The following UBASH3B variants were observed in gnomAD, a reference collection of about 807,000 sequenced individuals.
UBASH3B encodes ubiquitin-associated and SH3 domain-containing protein B.
Under a neutral mutation model 83.4 loss-of-function variants are expected in UBASH3B, and 37 were observed. The observed-to-expected ratio is 0.44, with a 90% CI of 0.34 to 0.58. The LOEUF is 0.58. Ranked by LOEUF, UBASH3B falls within the 20% of genes least tolerant of loss-of-function variation. UBASH3B has a pLI of 0.01. For synonymous variants in UBASH3B, 304 were observed against 318.3 expected (o/e 0.96, Z 0.48); for missense variants, 657 against 827.2 (o/e 0.79, Z 2.52).
chr11:122,698,386 G>A (rs934288174), intron 1 of UBASH3B, among the ~76,000 whole-genome samples: 1 of 152,026 alleles, frequency 6.6e-6, no homozygotes, highest in Admixed American at 6.6e-5. Flanking sequence ...GGCAAAAGTT[G>A]TTCCCAAGTA....
intron 1 of UBASH3B, among the ~76,000 whole-genome samples, chr11:122,745,712 C>T (rs1209343814): frequency 6.6e-6 from 1 of 152,222 alleles, no homozygotes; most frequent in Non-Finnish European, 1.5e-5. Flanking sequence ...CCCTCTCTCA[C>T]TCCTGTGACC....
intron 6 of UBASH3B, among the ~76,000 whole-genome samples, chr11:122,790,621 G>A (rs909907038): frequency 3.9e-5 from 6 of 152,106 alleles, no homozygotes; most frequent in Non-Finnish European, 7.3e-5. Flanking sequence ...TACAGTACTT[G>A]GAGTTGCTGT....
chr11:122,703,996 TC>T (rs1332182975), intron 1 of UBASH3B, among the ~76,000 whole-genome samples: 1 of 152,164 alleles, frequency 6.6e-6, no homozygotes, highest in African/African-American at 2.4e-5. Context: ...GTGCTAATAG[TC>T]AAGACCTCAA....
chr11:122,674,909 T>A (rs1893998), intron 1 of UBASH3B, among the ~76,000 whole-genome samples: 37,138 of 151,160 alleles, frequency 0.25, 4,695 homozygotes, highest in Middle Eastern at 0.27. Context: ...TCGTATTTTT[T>A]GTAGAGACAG....
At chr11:122,719,680 AAC>A (rs1314225239) in intron 1 of UBASH3B, among the ~76,000 whole-genome samples, 1 of 152,174 alleles carries the variant, frequency 6.6e-6, no homozygotes, top group East Asian at 1.9e-4. Flanking sequence ...CTTGAACAGT[AAC>A]ACTTCCCAAA....
In UBASH3B at chr11:122,779,521, C is replaced by T; in HGVS notation, c.427C>T (p.Leu143=). 1 of 1,614,038 alleles carries T rather than the reference C, an allele frequency of 6.2e-7. No individual in the cohort carries two copies. Among genetic ancestry groups the T allele is most frequent in the South Asian group, 1.1e-5 (1 of 91,074 alleles). The change falls in exon 4 of 14, where the codon CTG becomes TTG. Residue 143 remains leucine, a synonymous_variant. Coordinates refer to ENST00000284273, the MANE Select transcript of UBASH3B (RefSeq NM_032873.5). ...GTGCGAGGACAGCAAGGTGGATGCC[C>T]TGGGGGAAGCCCTGCAGACCACGGT... ...FMCEDSKVDA[L]GEALQTTVSR... is the part of the protein sequence containing the mutation.
At chr11:122,667,209 G>C (rs891112017) in intron 1 of UBASH3B, among the ~76,000 whole-genome samples, 4 of 151,692 alleles carry the variant, frequency 2.6e-5, no homozygotes, top group Non-Finnish European at 5.9e-5. Context: ...ACCACACCTG[G>C]CTAATTTTTG....
chr11:122,741,635 G>T (rs1037889428), intron 1 of UBASH3B, among the ~76,000 whole-genome samples: 1 of 152,134 alleles, frequency 6.6e-6, no homozygotes, highest in African/African-American at 2.4e-5. Context: ...GAGGCCCCGT[G>T]ATGCTTTGCT....
intron 1 of UBASH3B, among the ~76,000 whole-genome samples, chr11:122,715,092 C>T (rs1055966481): frequency 6.6e-6 from 1 of 152,080 alleles, no homozygotes; most frequent in Non-Finnish European, 1.5e-5. Context: ...ACTACAGGCG[C>T]CCACTACCAC....
intron 1 of UBASH3B, among the ~76,000 whole-genome samples, chr11:122,730,602 T>G (rs1860826949): frequency 6.6e-6 from 1 of 151,930 alleles, no homozygotes; most frequent in African/African-American, 2.4e-5. Flanking sequence ...TTTTTTTTTT[T>G]TTTTTTAATT....
chr11:122,736,445 T>A (rs1009919266), intron 1 of UBASH3B, among the ~76,000 whole-genome samples: 2 of 151,522 alleles, frequency 1.3e-5, no homozygotes, highest in African/African-American at 4.9e-5. Context: ...GTTCATAAGC[T>A]TATGGAGGAG....
intron 10 of UBASH3B, among the ~76,000 whole-genome samples, chr11:122,799,899 T>C (rs950571339): frequency 1.3e-5 from 2 of 152,194 alleles, no homozygotes; most frequent in African/African-American, 4.8e-5. Context: ...AAGAAATGAA[T>C]GAGCCAGAAA....
At chr11:122,789,596 G>A (rs1406082436) in intron 6 of UBASH3B, among the ~76,000 whole-genome samples, 1 of 152,174 alleles carries the variant, frequency 6.6e-6, no homozygotes, top group Non-Finnish European at 1.5e-5. Flanking sequence ...CATCATCCCA[G>A]TGCTGCGTCT....
intron 1 of UBASH3B, among the ~76,000 whole-genome samples, chr11:122,694,833 C>A (rs754378433): frequency 5.9e-5 from 9 of 152,014 alleles, no homozygotes; most frequent in Non-Finnish European, 1.3e-4. Context: ...GATTTGAAAA[C>A]CCTAGCTGTT....
intron 11 of UBASH3B, among the ~76,000 whole-genome samples, chr11:122,802,714 GATCA>G (rs1861279492): frequency 6.6e-6 from 1 of 152,086 alleles, no homozygotes; most frequent in Non-Finnish European, 1.5e-5. Flanking sequence ...AACAAAATTA[GATCA>G]ATCAACAGGA....
intron 11 of UBASH3B, among the ~76,000 whole-genome samples, chr11:122,803,253 C>A (rs1174786202): frequency 6.6e-6 from 1 of 152,142 alleles, no homozygotes; most frequent in Admixed American, 6.5e-5. Context: ...AAAGGGACAG[C>A]CCCGGAGTTT....
At chr11:122,703,182 C>T (rs1446553347) in intron 1 of UBASH3B, among the ~76,000 whole-genome samples, 2 of 151,998 alleles carry the variant, frequency 1.3e-5, no homozygotes, top group African/African-American at 4.8e-5. Flanking sequence ...AATCCCAGCA[C>T]TTTGGGAGGC....
chr11:122,786,965 G>A (rs1447800912), intron 5 of UBASH3B, among the ~76,000 whole-genome samples: 1 of 152,124 alleles, frequency 6.6e-6, no homozygotes, highest in Non-Finnish European at 1.5e-5. Context: ...GGATAACCTA[G>A]AGATAGAATG....
At chr11:122,691,149 C>T (rs1863890763) in intron 1 of UBASH3B, among the ~76,000 whole-genome samples, 1 of 152,304 alleles carries the variant, frequency 6.6e-6, no homozygotes, top group African/African-American at 2.4e-5. Flanking sequence ...AGTTTTTCTC[C>T]TGAGAGGTTC....
Sources: allele counts gnomAD v4.1 joint callset (sites outside exome capture counted in the v4.1 genomes callset), GRCh38; gene constraint gnomAD v4.1.1; transcripts MANE v1.5; gene names NCBI Gene and HGNC (gene_info 2026-07-23, HGNC 2026-07-21).